SIM1: variants seen among roughly 807,000 people sequenced by gnomAD.
The protein encoded by SIM1 is single-minded homolog 1.
A neutral mutation model predicts 78.2 loss-of-function variants in SIM1; 18 were observed. That is an observed-to-expected ratio of 0.23 (90% CI 0.16 to 0.34). SIM1 has a LOEUF of 0.34. SIM1 is among the 10% of genes least tolerant of loss of function. The pLI, the probability that SIM1 is intolerant of heterozygous loss-of-function variation, is 1.00. For synonymous variants in SIM1, 417 were observed against 385.2 expected (o/e 1.08, Z -0.97); for missense variants, 939 against 975.1 (o/e 0.96, Z 0.49).
rs868124438 is a variant in SIM1 at position 100,440,227 on chromosome 6, C to T, written c.998+7041G>A. ...TCCCCAAAAGGTGGGTACGAATGTCCCCATTTCACATATGGGGCAACAGAG... is the reference window on the plus strand; with the variant it reads ...TCCCCAAAAGGTGGGTACGAATGTCTCCATTTCACATATGGGGCAACAGAG... On this transcript the variant is annotated intron_variant, in intron 9 of 11. Coordinates refer to ENST00000369208, the MANE Select transcript of SIM1 (RefSeq NM_005068.3). 3.3e-5 allele frequency among the ~76,000 whole-genome samples: 5 copies of T among 152,028 alleles called. No homozygotes were observed. In the South Asian group the frequency reaches 8.3e-4, roughly 25 times the overall value.
At position 100,387,611 on chromosome 6, in the gene SIM1, A is replaced by T. The variant is rs1365085003; in HGVS notation, c.*2750T>A. 1 of 152,118 alleles carries T rather than the reference A, an allele frequency of 6.6e-6. No individual in the cohort carries two copies. Among genetic ancestry groups the T allele is most frequent in the Non-Finnish European group, 1.5e-5 (1 of 67,954 alleles). 9.4% of individuals were successfully genotyped at this position (152,118 alleles called of 1,614,324 possible). ...TAAAACTGCTACTATAAAATTATTG[A>T]CATTCAGTAAATTTTAAAATGGTTA... On this transcript the variant is annotated 3_prime_UTR_variant, in exon 12 of 12. Coordinates refer to ENST00000369208, the MANE Select transcript of SIM1 (RefSeq NM_005068.3).
intron 2 of SIM1, among the ~76,000 whole-genome samples, chr6:100,455,411 G>C (rs559660148): frequency 6.6e-6 from 1 of 152,120 alleles, no homozygotes; most frequent in Non-Finnish European, 1.5e-5. Flanking sequence ...AAGGGCCCCC[G>C]CCACAGCCAC....
At chr6:100,403,397 C>A (rs1212838396) in intron 10 of SIM1, among the ~76,000 whole-genome samples, 1 of 152,228 alleles carries the variant, frequency 6.6e-6, no homozygotes, top group Non-Finnish European at 1.5e-5. Context: ...AGGCCTGAGC[C>A]ATCCTTTGGG....
chr6:100,442,796 G>C (rs1429859741), intron 9 of SIM1, among the ~76,000 whole-genome samples: 1 of 151,818 alleles, frequency 6.6e-6, no homozygotes, highest in Non-Finnish European at 1.5e-5. Flanking sequence ...CTTTAAATAA[G>C]TAATTTTTAA....
rs187296701 is a variant in SIM1, at chr6:100,385,074, G to C, written c.*5287C>G. The C allele has an allele frequency of 6.6e-6, 1 of 151,904 alleles. No individual in the cohort carries two copies. Among genetic ancestry groups the C allele is most frequent in the Non-Finnish European group, 1.5e-5 (1 of 67,948 alleles). 9.4% of individuals were successfully genotyped at this position (151,904 alleles called of 1,614,324 possible). The stretch of plus-strand genomic sequence containing the variant: ...TCCTCACATAATAAATACATTTTAT[G>C]CACATTAACTTCGAATTTACTTCAG... On this transcript the variant is annotated 3_prime_UTR_variant, in exon 12 of 12. Coordinates refer to ENST00000369208, the MANE Select transcript of SIM1 (RefSeq NM_005068.3).
At chr6:100,420,722 C>T in intron 10 of SIM1, 68 bp downstream of exon 10, 1 of 1,446,582 alleles carries the variant, frequency 6.9e-7, no homozygotes, top group Non-Finnish European at 9.7e-7. Context: ...AGTTTTAATA[C>T]TTTCTCAACT....
chr6:100,391,913 C>G lies in SIM1; in HGVS notation c.1571-822G>C, dbSNP rs185565590. Among the ~76,000 whole-genome samples, 188 of 152,286 alleles carry G rather than the reference C, an allele frequency of 1.2e-3. 1 individual carries two copies. The highest frequency in any genetic ancestry group is 4.4e-3 in the African/African-American group (182 of 41,556). On this transcript the variant is annotated intron_variant, in intron 11 of 11. Coordinates refer to ENST00000369208, the MANE Select transcript of SIM1 (RefSeq NM_005068.3). ...TAAGGCCGGGCATGGTGGCTCACAC[C>G]TGTAATCCCAGCACTTTGGGAGGCC...
chr6:100,401,062 A>G (rs927639955), intron 10 of SIM1, among the ~76,000 whole-genome samples: 10 of 152,120 alleles, frequency 6.6e-5, no homozygotes, highest in African/African-American at 2.4e-4. Context: ...CCAACTCAGA[A>G]CAGATGGACA....
chr6:100,442,641 T>C (rs1351124023), intron 9 of SIM1, among the ~76,000 whole-genome samples: 1 of 152,172 alleles, frequency 6.6e-6, no homozygotes, highest in East Asian at 1.9e-4. Flanking sequence ...CATTTTATAT[T>C]GTTTGTATTT....
chr6:100,459,184 A>G (rs1411941169), intron 2 of SIM1, among the ~76,000 whole-genome samples: 1 of 152,230 alleles, frequency 6.6e-6, no homozygotes, highest in Non-Finnish European at 1.5e-5. Flanking sequence ...ACCCTGCTTG[A>G]AAGCATCCCA....
Position 100,447,339 on chromosome 6 carries a change from G to A in SIM1, c.927C>T (p.Ser309=), listed in dbSNP as rs1322761989. Residue 309 remains serine (S), a synonymous_variant, in exon 9 of 12, where the codon AGC becomes AGT. Coordinates refer to ENST00000369208, the MANE Select transcript of SIM1 (RefSeq NM_005068.3). ...AKHGGWVWVQ[S]YATIVHNSRS... is the part of the protein sequence containing the mutation. ...GACTGTTGTGCACGATGGTCGCGTAGCTCTGCACCCATACCCAGCCGCCGT... is the reference window on the plus strand; with the variant it reads ...GACTGTTGTGCACGATGGTCGCGTAACTCTGCACCCATACCCAGCCGCCGT... 1 of 1,614,222 alleles carries A rather than the reference G, an allele frequency of 6.2e-7. No homozygotes were observed. Among genetic ancestry groups the A allele is most frequent in the Admixed American group, 1.7e-5 (1 of 60,026 alleles).
chr6:100,428,400 T>C (rs957650218), intron 9 of SIM1, among the ~76,000 whole-genome samples: 2 of 152,192 alleles, frequency 1.3e-5, no homozygotes, highest in Admixed American at 6.5e-5. Context: ...GAAAAAGATA[T>C]GAACAATGCA....
chr6:100,418,257 C>T (rs1771458379), intron 10 of SIM1, among the ~76,000 whole-genome samples: 1 of 151,760 alleles, frequency 6.6e-6, no homozygotes, highest in African/African-American at 2.4e-5. Flanking sequence ...AAAGCTGATA[C>T]TACAGGGAAG....
At chr6:100,439,174 G>GA (rs1461202100) in intron 9 of SIM1, among the ~76,000 whole-genome samples, 1 of 152,190 alleles carries the variant, frequency 6.6e-6, no homozygotes, top group Non-Finnish European at 1.5e-5. Flanking sequence ...AAGAAAGAGA[G>GA]AAAACCTAGC....
At chr6:100,403,192 T>C (rs1392065849) in intron 10 of SIM1, among the ~76,000 whole-genome samples, 2 of 152,246 alleles carry the variant, frequency 1.3e-5, no homozygotes, top group African/African-American at 2.4e-5. Flanking sequence ...AGTCAGATGA[T>C]GGATGCCCTT....
chr6:100,439,087 G>A (rs1772138496), intron 9 of SIM1, among the ~76,000 whole-genome samples: 1 of 152,046 alleles, frequency 6.6e-6, no homozygotes, highest in Admixed American at 6.6e-5. Flanking sequence ...AAAACCGTCT[G>A]TACCCCCAAA....
In SIM1 at chr6:100,393,703, C is replaced by T; in HGVS notation, c.1354G>A (p.Asp452Asn). ...RSSLCYGFAL[D>N]HSRLVEERHF... is the part of the protein sequence containing the mutation. ...CTCTCTTCCACCAGCCTCGAGTGGTCAAGCGCAAAGCCATAGCAGAGAGAG... is the reference window on the plus strand; with the variant it reads ...CTCTCTTCCACCAGCCTCGAGTGGTTAAGCGCAAAGCCATAGCAGAGAGAG... Residue 452 changes from aspartate (D) to asparagine (N), a missense_variant, in exon 11 of 12, where the codon GAC (aspartate) becomes AAC (asparagine). By Grantham distance (23) the Asp-to-Asn change is conservative. Coordinates refer to ENST00000369208, the MANE Select transcript of SIM1 (RefSeq NM_005068.3). The T allele has an allele frequency of 6.2e-7, 1 of 1,614,132 alleles. No homozygotes were observed. The highest frequency in any genetic ancestry group is 1.1e-5 in the South Asian group (1 of 91,062).
intron 2 of SIM1, among the ~76,000 whole-genome samples, chr6:100,459,887 A>AT (rs1207972163): frequency 6.6e-6 from 1 of 152,104 alleles, no homozygotes; most frequent in Non-Finnish European, 1.5e-5. Flanking sequence ...AATTTGTCCT[A>AT]TTTTGCACAC....
intron 10 of SIM1, among the ~76,000 whole-genome samples, chr6:100,417,539 T>C (rs1435853054): frequency 6.6e-6 from 1 of 152,210 alleles, no homozygotes; most frequent in Non-Finnish European, 1.5e-5. Flanking sequence ...CTTAACAGTA[T>C]ACAAACAATT....
Sources: gnomAD v4.1 joint callset for allele counts (sites outside exome capture counted in the v4.1 genomes callset) on GRCh38, gnomAD v4.1.1 for gene constraint, MANE v1.5 for transcripts, NCBI Gene and HGNC (gene_info 2026-07-23, HGNC 2026-07-21) for gene names.